DHX36: variants seen among roughly 807,000 people sequenced by gnomAD.
The protein encoded by DHX36 is ATP-dependent DNA/RNA helicase DHX36.
Under a neutral mutation model 139.0 loss-of-function variants are expected in DHX36, and 50 were observed. That is an observed-to-expected ratio of 0.36 (90% CI 0.29 to 0.46). DHX36 has a LOEUF of 0.46. Among genes scored for constraint, DHX36 ranks in the 20% least tolerant of loss-of-function variants. The pLI, the probability that DHX36 is intolerant of heterozygous loss-of-function variation, is 1.00. For synonymous variants in DHX36, 425 were observed against 401.9 expected (o/e 1.06, Z -0.69); for missense variants, 1,024 against 1,211.3 (o/e 0.85, Z 2.29).
At chr3:154,280,417 C>A in intron 22 of DHX36, 162 bp downstream of exon 22, 1 of 576,352 alleles carries the variant, frequency 1.7e-6, no homozygotes, top group South Asian at 2.4e-5. Flanking sequence ...AAAGTGATAC[C>A]AATGGCTAAA....
At chr3:154,284,719 G>C (rs1711504080) in intron 18 of DHX36, 50 bp from the exon 19 acceptor site, 1 of 1,592,162 alleles carries the variant, frequency 6.3e-7, no homozygotes, top group East Asian at 2.2e-5. Context: ...TGCTATAATG[G>C]AGAATGACAT....
chr3:154,306,681 G>A (rs1207337608), intron 5 of DHX36, among the ~76,000 whole-genome samples: 2 of 151,994 alleles, frequency 1.3e-5, no homozygotes, highest in African/African-American at 4.8e-5. Flanking sequence ...TTTGTGGTAG[G>A]GACTGGTGTT....
chr3:154,286,553 GAAATCTAAATTTTAAA>G (rs1559947033), intron 17 of DHX36, among the ~76,000 whole-genome samples: 1 of 150,908 alleles, frequency 6.6e-6, no homozygotes, highest in Non-Finnish European at 1.5e-5. Flanking sequence ...TTAAATATTT[GAAATCTAAATTTTAAA>G]AAATCTAAAT....
At chr3:154,324,042 A>G (rs1008079872) in intron 1 of DHX36, 132 bp downstream of exon 1, 11 of 1,060,532 alleles carry the variant, frequency 1.0e-5, no homozygotes, top group Admixed American at 2.3e-5. Flanking sequence ...CCAGCATAAT[A>G]TATTTGCGCC....
intron 4 of DHX36, 76 bp downstream of exon 4, chr3:154,311,560 T>G: frequency 8.4e-7 from 1 of 1,192,472 alleles, no homozygotes; most frequent in South Asian, 1.5e-5. Flanking sequence ...TTACATTTTT[T>G]CTTGATATAG....
intron 1 of DHX36, among the ~76,000 whole-genome samples, chr3:154,323,344 A>AG (rs753930258): frequency 1.7e-4 from 26 of 152,310 alleles, no homozygotes; most frequent in Admixed American, 3.3e-4. Context: ...TAAAAAAAAA[A>AG]AAAGTTGCCT....
intron 19 of DHX36, among the ~76,000 whole-genome samples, chr3:154,283,635 T>G (rs535618929): frequency 1.1e-3 from 163 of 151,766 alleles, no homozygotes; most frequent in African/African-American, 3.9e-3. Flanking sequence ...ATTTTCTTTA[T>G]AGTTTGCTTT....
chr3:154,280,345 T>C, intron 22 of DHX36: 2 of 444,268 alleles, frequency 4.5e-6, no homozygotes, highest in Non-Finnish European at 4.0e-6. Flanking sequence ...TGGTATCATG[T>C]GGTAGCATTC....
rs751743467 is a variant in DHX36 at position 154,284,793 on chromosome 3, T to A, written c.2205+21A>T. ...CCTGTTCACATCTAAAATAACTCGG[T>A]TTTATTTCCATTTTTCTTACCAGTG... On this transcript the variant is annotated intron_variant, in intron 18 of 24. Coordinates refer to ENST00000496811, the MANE Select transcript of DHX36 (RefSeq NM_020865.3). 18 of 1,611,160 alleles carry A rather than the reference T, an allele frequency of 1.1e-5. 1 individual carries two copies. The highest frequency in any genetic ancestry group is 1.4e-5 in the Non-Finnish European group (17 of 1,178,558).
intron 5 of DHX36, among the ~76,000 whole-genome samples, chr3:154,307,927 A>G (rs1447790472): frequency 6.6e-6 from 1 of 152,192 alleles, no homozygotes; most frequent in Non-Finnish European, 1.5e-5. Flanking sequence ...ATACACCACA[A>G]TGGAATACTA....
At chr3:154,279,367 A>T (rs1236796988) in intron 22 of DHX36, 1 of 152,196 alleles carries the variant, frequency 6.6e-6, no homozygotes, top group Non-Finnish European at 1.5e-5. Flanking sequence ...GTCCAAAGAA[A>T]ACTACATTTT....
Position 154,292,812 on chromosome 3 carries a change from ATT to A in DHX36, c.1671-120_1671-119del, listed in dbSNP as rs569137281. The A allele has an allele frequency of 1.1e-5, 14 of 1,313,592 alleles. No homozygotes were observed. The Middle Eastern group carries it at 1.2e-3, about 113-fold the overall frequency. 81.4% of individuals were successfully genotyped at this position (1,313,592 alleles called of 1,614,324 possible). A position where few individuals can be genotyped will look rare whatever the true frequency, so the allele number is the denominator to read the frequency against. ...GACCAATAAATAGGTATTTCAGAGCATTTTTTTTTTATTACATCAAATGATTT... is the reference window on the plus strand; with the variant it reads ...GACCAATAAATAGGTATTTCAGAGCATTTTTTTTATTACATCAAATGATTT... On this transcript the variant is annotated intron_variant, in intron 14 of 24. Coordinates refer to ENST00000496811, the MANE Select transcript of DHX36 (RefSeq NM_020865.3).
At chr3:154,324,093 A>G in intron 1 of DHX36, 81 bp downstream of exon 1, 1 of 1,459,764 alleles carries the variant, frequency 6.9e-7, no homozygotes. Context: ...CTTAAGAAAC[A>G]AAACCAAGAA....
chr3:154,310,075 C>G (rs1712672336), intron 4 of DHX36, among the ~76,000 whole-genome samples: 1 of 152,090 alleles, frequency 6.6e-6, no homozygotes, highest in African/African-American at 2.4e-5. Flanking sequence ...CAAGAAGAGA[C>G]AGCTTATAAG....
At chr3:154,300,873 G>C in intron 10 of DHX36, 114 bp downstream of exon 10, 2 of 1,442,942 alleles carry the variant, frequency 1.4e-6, no homozygotes, top group Non-Finnish European at 1.9e-6. Context: ...GCTCGAATAA[G>C]AGACTCACAA....
At chr3:154,278,040 T>C (rs1719211020) in intron 22 of DHX36, 1 of 198,296 alleles carries the variant, frequency 5.0e-6, no homozygotes, top group East Asian at 1.2e-4. Context: ...TTAATGTTAA[T>C]GCACACTATA....
rs1178003161 is a variant in DHX36, at chr3:154,324,442, G to A, written c.-26C>T. On this transcript the variant is annotated 5_prime_UTR_variant, in exon 1 of 25. Transcript: ENST00000496811. ...TGTCCTGGCAGACTACAACCCGTCA[G>A]AACCAGCAACCGCTGGAAATGGCGT... 18 of 1,458,450 alleles carry A rather than the reference G, an allele frequency of 1.2e-5. No individual in the cohort carries two copies. The highest frequency in any genetic ancestry group is 2.6e-5 in the Admixed American group (1 of 38,616). The allele number at this position is 1,458,450 out of a possible 1,614,324, so 90.3% of individuals were successfully genotyped here. A position where few individuals can be genotyped will look rare whatever the true frequency, so the allele number is the denominator to read the frequency against.
chr3:154,318,031 G>A (rs999685547), intron 1 of DHX36, among the ~76,000 whole-genome samples: 3 of 152,130 alleles, frequency 2.0e-5, no homozygotes, highest in Non-Finnish European at 4.4e-5. Context: ...AGGGTGGGTA[G>A]AGGAGTATGT....
chr3:154,297,148 T>C (rs16823852), intron 12 of DHX36, among the ~76,000 whole-genome samples: 1,722 of 152,268 alleles, frequency 0.011, 31 homozygotes, highest in African/African-American at 0.04. Context: ...GTTCTAGAGC[T>C]AGATCAAAAG....
Sources: allele counts gnomAD v4.1 joint callset (sites outside exome capture counted in the v4.1 genomes callset), GRCh38; gene constraint gnomAD v4.1.1; transcripts MANE v1.5; gene names NCBI Gene and HGNC (gene_info 2026-07-23, HGNC 2026-07-21).